The following RNFT2 variants were observed in gnomAD, a reference collection of about 807,000 sequenced individuals.
RNFT2 encodes ring finger protein, transmembrane 2, also known as E3 ubiquitin-protein ligase RNFT2.
Under a neutral mutation model 53.0 loss-of-function variants are expected in RNFT2, and 36 were observed. That is an observed-to-expected ratio of 0.68 (90% CI 0.52 to 0.90). The LOEUF is 0.90. Ranked by LOEUF, RNFT2 falls within the 40% of genes least tolerant of loss-of-function variation. The pLI is 0.00. For missense variants in RNFT2, 514 were observed against 585.6 expected, an observed-to-expected ratio of 0.88 and a Z score of 1.26; for synonymous variants, 260 against 253.2, an observed-to-expected ratio of 1.03 and a Z score of -0.26.
chr12:116,749,848 A>G lies in RNFT2; in HGVS notation c.91A>G (p.Ser31Gly). Residue 31 changes from serine to glycine, a missense_variant, in exon 4 of 11, where the codon AGC becomes GGC. Around this residue, in one of 3 missense-constraint regions of RNFT2, gnomAD observed 237 missense variants for 235.1 expected, o/e 1.01. Coordinates refer to ENST00000257575, the MANE Select transcript of RNFT2 (RefSeq NM_001382266.1). ...TDNIPPERNRSQALSSEASVD... is the reference protein window; with the variant it reads ...TDNIPPERNRGQALSSEASVD... Reference sequence around the variant, plus strand: ...TCTCCCCTTGGCACCCAGAAACCGCAGCCAGGCGCTCAGCTCCGAGGCGAG... The same window carrying G: ...TCTCCCCTTGGCACCCAGAAACCGCGGCCAGGCGCTCAGCTCCGAGGCGAG... The G allele has an allele frequency of 6.3e-7, 1 of 1,575,076 alleles. No individual in the cohort carries two copies.
At chr12:116,788,077 G>A (rs937334713) in intron 7 of RNFT2, among the ~76,000 whole-genome samples, 23 of 152,100 alleles carry the variant, frequency 1.5e-4, no homozygotes, top group Admixed American at 1.1e-3. Context: ...ACAGGCATGC[G>A]CCACCACACC....
chr12:116,769,633 C>G (rs960110006), intron 6 of RNFT2, among the ~76,000 whole-genome samples: 9 of 152,054 alleles, frequency 5.9e-5, no homozygotes, highest in African/African-American at 2.2e-4. Flanking sequence ...CTGTATTAAG[C>G]TAAGTGTTAT....
intron 5 of RNFT2, among the ~76,000 whole-genome samples, chr12:116,765,273 C>T (rs1378684579): frequency 6.6e-6 from 1 of 152,104 alleles, no homozygotes; most frequent in Non-Finnish European, 1.5e-5. Context: ...AAAAGAGCTG[C>T]CAGGTGGATT....
intron 5 of RNFT2, among the ~76,000 whole-genome samples, chr12:116,762,463 A>G (rs1412320242): frequency 2.0e-5 from 3 of 151,964 alleles, no homozygotes; most frequent in African/African-American, 7.2e-5. Flanking sequence ...AGTACTGGGT[A>G]TGGTGGCCTA....
intron 4 of RNFT2, among the ~76,000 whole-genome samples, chr12:116,750,897 TATA>T (rs1872214345): frequency 1.1e-4 from 1 of 8,824 alleles, no homozygotes; most frequent in Admixed American, 2.2e-3. Flanking sequence ...ATATAATATA[TATA>T]TATATATATT....
chr12:116,776,568 G>C (rs1306504818), intron 6 of RNFT2, among the ~76,000 whole-genome samples: 1 of 152,186 alleles, frequency 6.6e-6, no homozygotes, highest in African/African-American at 2.4e-5. Flanking sequence ...AAGGTGTTGT[G>C]AGTGACTTGT....
At chr12:116,779,409 G>A in intron 7 of RNFT2, 61 bp downstream of exon 7, 1 of 1,580,870 alleles carries the variant, frequency 6.3e-7, no homozygotes, top group South Asian at 1.1e-5. Flanking sequence ...GAGGATTCAG[G>A]GTGCCTTCTG....
intron 7 of RNFT2, among the ~76,000 whole-genome samples, chr12:116,806,876 A>C (rs1875109404): frequency 6.6e-6 from 1 of 152,170 alleles, no homozygotes; most frequent in Non-Finnish European, 1.5e-5. Context: ...CCTCTTGATC[A>C]TAACCTCTTA....
At chr12:116,816,098 G>A (rs1875645982) in intron 7 of RNFT2, among the ~76,000 whole-genome samples, 1 of 152,188 alleles carries the variant, frequency 6.6e-6, no homozygotes, top group South Asian at 2.1e-4. Flanking sequence ...ATCCACCTGG[G>A]ACCAGGACAG....
At chr12:116,786,122 CTTTTT>C (rs1190827408) in intron 7 of RNFT2, among the ~76,000 whole-genome samples, 1 of 135,736 alleles carries the variant, frequency 7.4e-6, no homozygotes. Flanking sequence ...TCAGGTAGTT[CTTTTT>C]TTTTTTTTTT....
chr12:116,820,882 A>G (rs1875977266), intron 7 of RNFT2, among the ~76,000 whole-genome samples: 1 of 152,122 alleles, frequency 6.6e-6, no homozygotes, highest in South Asian at 2.1e-4. Context: ...TGTTCAACCG[A>G]GAAACTCATC....
chr12:116,848,024 G>C (rs537899972), intron 10 of RNFT2, among the ~76,000 whole-genome samples: 54 of 152,006 alleles, frequency 3.6e-4, no homozygotes, highest in African/African-American at 1.1e-3. Context: ...ACAGGCCCCA[G>C]TATGTTGTTC....
At chr12:116,792,504 T>C (rs1229452922) in intron 7 of RNFT2, among the ~76,000 whole-genome samples, 2 of 152,194 alleles carry the variant, frequency 1.3e-5, no homozygotes, top group Non-Finnish European at 2.9e-5. Context: ...CACCCCTTTC[T>C]TGCGCCTCCG....
At chr12:116,783,282 G>T (rs1452285650) in intron 7 of RNFT2, among the ~76,000 whole-genome samples, 1 of 152,178 alleles carries the variant, frequency 6.6e-6, no homozygotes, top group Non-Finnish European at 1.5e-5. Flanking sequence ...ATCCTAGCCA[G>T]GTGATTATTT....
chr12:116,758,993 T>C (rs951174082), intron 5 of RNFT2, among the ~76,000 whole-genome samples: 19 of 152,178 alleles, frequency 1.2e-4, no homozygotes, highest in Non-Finnish European at 2.5e-4. Context: ...GGAACACTGA[T>C]TATTCTTAGG....
intron 7 of RNFT2, among the ~76,000 whole-genome samples, chr12:116,804,212 G>A (rs1481513668): frequency 6.6e-6 from 1 of 152,214 alleles, no homozygotes; most frequent in Admixed American, 6.5e-5. Flanking sequence ...ACAGTGTTGT[G>A]TTTTTGAGGT....
At chr12:116,812,242 T>G (rs1168020615) in intron 7 of RNFT2, among the ~76,000 whole-genome samples, 1 of 152,142 alleles carries the variant, frequency 6.6e-6, no homozygotes, top group Non-Finnish European at 1.5e-5. Flanking sequence ...TGCTGCAGCC[T>G]TATCCAGGGT....
chr12:116,742,566 G>T (rs1566066518), intron 3 of RNFT2, among the ~76,000 whole-genome samples: 1 of 152,112 alleles, frequency 6.6e-6, no homozygotes, highest in Non-Finnish European at 1.5e-5. Context: ...AAGCCACCAC[G>T]CCTGGCCTCA....
In RNFT2 at chr12:116,841,836, TATATATATAAATATATATAAAA is replaced by T. The variant is rs1565876025; in HGVS notation, c.1200+5564_1200+5585del. 3.2e-3 allele frequency among the ~76,000 whole-genome samples: 83 copies of T among 26,054 alleles called. 2 individuals carry two copies. The highest frequency in any genetic ancestry group is 9.3e-3 in the African/African-American group (79 of 8,520). The allele number at this position is 26,054 out of a possible 152,430, so 17.1% of individuals were successfully genotyped here. On this transcript the variant is annotated intron_variant, in intron 10 of 10. Coordinates refer to ENST00000257575, the MANE Select transcript of RNFT2 (RefSeq NM_001382266.1). ...ATATATAAAAATATATATATATAAA[TATATATATAAATATATATAAAA>T]ATATATATATAAATATATATATAAA...
Sources: gnomAD v4.1 joint callset for allele counts (sites outside exome capture counted in the v4.1 genomes callset) on GRCh38, gnomAD v4.1.1 for gene constraint, gnomAD v4.1.1 regional missense constraint, MANE v1.5 for transcripts, NCBI Gene and HGNC (gene_info 2026-07-23, HGNC 2026-07-21) for gene names.